GRID2: variants seen among roughly 807,000 people sequenced by gnomAD.
GRID2 encodes the protein glutamate ionotropic receptor delta type subunit 2.
Under a neutral mutation model 114.8 loss-of-function variants are expected in GRID2, and 33 were observed. The ratio of observed to expected loss-of-function variants is 0.29; its 90% CI spans 0.22 to 0.38. The LOEUF (loss-of-function observed/expected upper bound fraction) is 0.38, where lower values mean the gene tolerates loss of function less well. Among genes scored for constraint, GRID2 ranks in the 10% least tolerant of loss-of-function variants. The pLI is 1.00. For missense variants in GRID2, 1,184 were observed against 1,257.7 expected (o/e 0.94, Z 0.89); for synonymous variants, 505 against 449.9 (o/e 1.12, Z -1.55).
intron 1 of GRID2, among the ~76,000 whole-genome samples, chr4:92,397,621 T>G (rs967685703): frequency 1.3e-5 from 2 of 152,132 alleles, no homozygotes; most frequent in Non-Finnish European, 2.9e-5. Flanking sequence ...ATGTTACTGT[T>G]GCAGCATAGA....
chr4:92,936,811 G>T lies in GRID2; in HGVS notation c.245-148184G>T, dbSNP rs1055800981. Among the ~76,000 whole-genome samples the T allele has an allele frequency of 1.4e-5, 2 of 146,406 alleles. 1 individual carries two copies. The highest frequency in any genetic ancestry group is 3.0e-5 in the Non-Finnish European group (2 of 66,194). On this transcript the variant is annotated intron_variant, in intron 2 of 15. Transcript: ENST00000282020. ...AATTACTTACTTCTGAGAATCCTCA[G>T]TCCTCAAAGAAACTTAGCCAAATAT...
intron 8 of GRID2, among the ~76,000 whole-genome samples, chr4:93,378,954 G>A (rs1327628495): frequency 6.6e-6 from 1 of 151,994 alleles, no homozygotes; most frequent in African/African-American, 2.4e-5. Context: ...GCTGTATATA[G>A]AGGTCCAAGA....
At chr4:92,917,440 C>G (rs992302679) in intron 2 of GRID2, among the ~76,000 whole-genome samples, 2 of 152,128 alleles carry the variant, frequency 1.3e-5, no homozygotes, top group African/African-American at 4.8e-5. Flanking sequence ...TTGCCCATGT[C>G]TGTGTCCTGA....
At position 92,406,036 on chromosome 4, in the gene GRID2, G is replaced by A. The variant is rs139082410; in HGVS notation, c.88+101292G>A. Among the ~76,000 whole-genome samples, 363 of 152,224 alleles carry A rather than the reference G, an allele frequency of 2.4e-3. 3 individuals carry two copies. The highest frequency in any genetic ancestry group is 8.5e-3 in the African/African-American group (352 of 41,552). ...GTATCCAGCATGGAAGAGAGATGTA[G>A]GTTGGGAGGCTAGGCCCATCTCTCC... On this transcript the variant is annotated intron_variant, in intron 1 of 15. Transcript: ENST00000282020.
chr4:92,565,414 A>T (rs1727288401), intron 1 of GRID2, among the ~76,000 whole-genome samples: 1 of 151,958 alleles, frequency 6.6e-6, no homozygotes, highest in African/African-American at 2.4e-5. Flanking sequence ...ATATATTCCC[A>T]CTTTATATGA....
At chr4:93,456,081 T>TAA in intron 11 of GRID2, 107 bp downstream of exon 11, 1 of 683,548 alleles carries the variant, frequency 1.5e-6, no homozygotes, top group Non-Finnish European at 2.6e-6. Context: ...ATAAGTGTTC[T>TAA]AAAGGGTACT....
At position 93,773,203 on chromosome 4, in the gene GRID2, TTAAA is replaced by T. The variant is rs2110343274; in HGVS notation, c.*711_*714del. 1 of 152,318 alleles carries T rather than the reference TTAAA, an allele frequency of 6.6e-6. No individual in the cohort carries two copies. Among genetic ancestry groups the T allele is most frequent in the South Asian group, 2.1e-4 (1 of 4,824 alleles). 9.4% of individuals were successfully genotyped at this position (152,318 alleles called of 1,614,324 possible). Reference sequence around the variant, plus strand: ...TCATATGGCAGAAGCCTCTATTGTGTTAAATAAATTAGTATTTCATATATATACA... The same window carrying T: ...TCATATGGCAGAAGCCTCTATTGTGTTAAATTAGTATTTCATATATATACA... On this transcript the variant is annotated 3_prime_UTR_variant, in exon 16 of 16. Transcript: ENST00000282020.
intron 14 of GRID2, among the ~76,000 whole-genome samples, chr4:93,762,440 G>A (rs1219781613): frequency 1.3e-5 from 2 of 152,022 alleles, no homozygotes; most frequent in Non-Finnish European, 2.9e-5. Flanking sequence ...GTACCAAAAG[G>A]TCTTGTATCA....
intron 14 of GRID2, among the ~76,000 whole-genome samples, chr4:93,730,946 C>A (rs535460063): frequency 8.5e-5 from 13 of 152,272 alleles, no homozygotes; most frequent in South Asian, 2.1e-4. Flanking sequence ...GAAACTGTGC[C>A]GCGCTGGCTG....
At chr4:93,689,547 A>C (rs1386140020) in intron 14 of GRID2, among the ~76,000 whole-genome samples, 1 of 151,972 alleles carries the variant, frequency 6.6e-6, no homozygotes, top group African/African-American at 2.4e-5. Flanking sequence ...TCTGCCCATC[A>C]ATGAACTGAC....
At chr4:93,317,323 GT>G (rs33937814) in intron 8 of GRID2, among the ~76,000 whole-genome samples, 132,364 of 148,172 alleles carry the variant, frequency 0.89, 59,268 homozygotes, top group East Asian at 1. Flanking sequence ...TTCTCCTCAG[GT>G]TTTTTTTTTT....
intron 2 of GRID2, among the ~76,000 whole-genome samples, chr4:92,810,096 GACT>G (rs1178127190): frequency 2.0e-5 from 3 of 151,862 alleles, no homozygotes; most frequent in Admixed American, 6.6e-5. Flanking sequence ...TCAATGTTGT[GACT>G]ACTTAGTATA....
chr4:93,186,210 C>T (rs561601761), intron 4 of GRID2, among the ~76,000 whole-genome samples: 22 of 152,122 alleles, frequency 1.4e-4, no homozygotes, highest in Admixed American at 4.6e-4. Flanking sequence ...AATAAACATA[C>T]GCATGCGTCT....
intron 14 of GRID2, among the ~76,000 whole-genome samples, chr4:93,747,862 C>A (rs1420091619): frequency 6.6e-6 from 1 of 151,676 alleles, no homozygotes; most frequent in Non-Finnish European, 1.5e-5. Flanking sequence ...GAAATCATTT[C>A]TTTTAAAGAC....
At chr4:93,722,538 C>G (rs951294553) in intron 14 of GRID2, among the ~76,000 whole-genome samples, 2 of 152,102 alleles carry the variant, frequency 1.3e-5, no homozygotes, top group Non-Finnish European at 1.5e-5. Flanking sequence ...TGTGTCCCCC[C>G]AAAAAAGAAA....
intron 2 of GRID2, among the ~76,000 whole-genome samples, chr4:92,599,634 G>C (rs1209965484): frequency 6.6e-6 from 1 of 152,000 alleles, no homozygotes; most frequent in African/African-American, 2.4e-5. Context: ...TTTGGTCTTT[G>C]ATAGACTAAC....
intron 2 of GRID2, among the ~76,000 whole-genome samples, chr4:92,878,744 T>G (rs1276715691): frequency 6.6e-6 from 1 of 152,150 alleles, no homozygotes; most frequent in East Asian, 1.9e-4. Flanking sequence ...GTGATAGAAA[T>G]AATATTCCCT....
At chr4:93,789,737 G>C (rs976645376) in intron 1 of GRID2, among the ~76,000 whole-genome samples, 3 of 152,122 alleles carry the variant, frequency 2.0e-5, no homozygotes, top group African/African-American at 7.2e-5. Context: ...GAGGCTAGTT[G>C]TTACATAAGA....
At chr4:93,117,822 C>T (rs1316822576) in intron 4 of GRID2, among the ~76,000 whole-genome samples, 1 of 152,002 alleles carries the variant, frequency 6.6e-6, no homozygotes, top group Non-Finnish European at 1.5e-5. Context: ...TGCTGTTGGC[C>T]ACGAGTTCAA....
Sources: gnomAD v4.1 joint callset for allele counts (sites outside exome capture counted in the v4.1 genomes callset) on GRCh38, gnomAD v4.1.1 for gene constraint, MANE v1.5 for transcripts, NCBI Gene and HGNC (gene_info 2026-07-23, HGNC 2026-07-21) for gene names.